Variants in DPP6 observed in about 807,000 individuals in gnomAD.
The protein encoded by DPP6 is A-type potassium channel modulatory protein DPP6.
DPP6 carries 69 observed loss-of-function variants against 122.6 expected under a neutral mutation model. The ratio of observed to expected loss-of-function variants is 0.56; its 90% confidence interval spans 0.46 to 0.69. The LOEUF (loss-of-function observed/expected upper bound fraction) is 0.69, where lower values mean the gene tolerates loss of function less well. Ranked by LOEUF, DPP6 falls within the 30% of genes least tolerant of loss-of-function variation. DPP6 has a pLI of 0.00. For synonymous variants in DPP6, 418 were observed against 433.1 expected, an observed-to-expected ratio of 0.97 and a Z score of 0.43; for missense variants, 928 against 1,116.9, an observed-to-expected ratio of 0.83 and a Z score of 2.41.
At chr7:153,823,412 A>G in the DPP6 span, among the ~76,000 whole-genome samples, 32,125 of 132,258 alleles carry the variant, frequency 0.24, 6,176 homozygotes, top group African/African-American at 0.27. Context: ...CAGCCAATGG[A>G]AGTCAGGGGT....
At chr7:154,520,713 T>C (rs1268507146) in intron 3 of DPP6, among the ~76,000 whole-genome samples, 1 of 152,228 alleles carries the variant, frequency 6.6e-6, no homozygotes, top group Non-Finnish European at 1.5e-5. Context: ...AACTAGTGTT[T>C]TCTATGGGAG....
At chr7:154,840,371 G>T (rs1246461706) in intron 16 of DPP6, among the ~76,000 whole-genome samples, 1 of 152,184 alleles carries the variant, frequency 6.6e-6, no homozygotes, top group African/African-American at 2.4e-5. Context: ...CAGCCTGCAT[G>T]CAGACTGAGG....
intron 3 of DPP6, among the ~76,000 whole-genome samples, chr7:154,513,600 A>G (rs1826252892): frequency 6.6e-6 from 1 of 152,166 alleles, no homozygotes; most frequent in African/African-American, 2.4e-5. Flanking sequence ...CTGCCTTTTC[A>G]TCAGCTCTGA....
chr7:154,787,157 A>G (rs886715893), intron 10 of DPP6, among the ~76,000 whole-genome samples: 17 of 152,256 alleles, frequency 1.1e-4, no homozygotes, highest in African/African-American at 3.1e-4. Flanking sequence ...TTTTCTTAAT[A>G]ACCATCTTCT....
At position 154,889,432 on chromosome 7, in the gene DPP6, CTTTTT is replaced by C. The variant is rs11335725; in HGVS notation, c.2378-11_2378-7del. ...TGGGTTTTAACAAATGTCTTCCTCT[CTTTTT>C]TTTTTTTTTTTTTGCACAGAAAAAA... On this transcript the variant is annotated intron_variant, in intron 24 of 25. Transcript: ENST00000377770. 405 of 1,490,124 alleles carry C rather than the reference CTTTTT, an allele frequency of 2.7e-4. No homozygotes were observed. The highest frequency in any genetic ancestry group is 1.0e-3 in the Admixed American group (44 of 43,012). The allele number at this position is 1,490,124 out of a possible 1,614,324, so 92.3% of individuals were successfully genotyped here. A position where few individuals can be genotyped will look rare whatever the true frequency, so the allele number is the denominator to read the frequency against.
chr7:153,918,567 T>TCACACACACACACACA (rs1563006184), intron 1 of DPP6, among the ~76,000 whole-genome samples: 7 of 46,150 alleles, frequency 1.5e-4, no homozygotes, highest in Admixed American at 3.0e-4. Flanking sequence ...ACACACACAG[T>TCACACACACACACACA]CTCTCTCTCT....
intron 1 of DPP6, among the ~76,000 whole-genome samples, chr7:154,278,775 T>C (rs933556787): frequency 1.3e-5 from 2 of 152,198 alleles, no homozygotes; most frequent in South Asian, 2.1e-4. Flanking sequence ...AGGAATGATA[T>C]GTGTGCACTC....
intron 1 of DPP6, among the ~76,000 whole-genome samples, chr7:154,113,412 T>TATATATATATATATATATATATATACAC (rs1472172445): frequency 1.4e-5 from 2 of 141,788 alleles, no homozygotes; most frequent in South Asian, 2.3e-4. Context: ...TATATATATA[T>TATATATATATATATATATATATATACAC]ACACACACAC....
intron 1 of DPP6, among the ~76,000 whole-genome samples, chr7:154,118,117 G>A (rs1807133313): frequency 6.7e-6 from 1 of 149,836 alleles, no homozygotes; most frequent in African/African-American, 2.5e-5. Context: ...CACAAAAGCT[G>A]TGCATGATGA....
At chr7:154,395,752 G>A (rs574239976) in intron 1 of DPP6, among the ~76,000 whole-genome samples, 1 of 150,458 alleles carries the variant, frequency 6.6e-6, no homozygotes, top group East Asian at 2.0e-4. Context: ...TTTTATTTTT[G>A]GTCTAATTGT....
chr7:154,233,322 GAC>G (rs1460533379), intron 1 of DPP6, among the ~76,000 whole-genome samples: 1 of 152,202 alleles, frequency 6.6e-6, no homozygotes, highest in Non-Finnish European at 1.5e-5. Flanking sequence ...TCAGTGCAGT[GAC>G]ACAAAATATT....
At chr7:154,672,158 G>T (rs995309957) in intron 7 of DPP6, among the ~76,000 whole-genome samples, 1 of 152,040 alleles carries the variant, frequency 6.6e-6, no homozygotes, top group Non-Finnish European at 1.5e-5. Flanking sequence ...TTCCCCCTTT[G>T]CTCGACACTC....
intron 5 of DPP6, among the ~76,000 whole-genome samples, chr7:154,602,449 G>A (rs1340490198): frequency 4.1e-5 from 5 of 120,556 alleles, no homozygotes; most frequent in African/African-American, 1.1e-4. Context: ...ATGGAGTCTC[G>A]TTCTGTTGCC....
intron 1 of DPP6, chr7:154,059,604 T>A (rs1801379645): frequency 2.7e-5 from 4 of 148,688 alleles, no homozygotes; most frequent in Admixed American, 2.6e-4. Flanking sequence ...AAAGCCTTTG[T>A]ATGAGGTCAC....
chr7:154,175,720 G>GTT (rs1369232413), intron 1 of DPP6, among the ~76,000 whole-genome samples: 2 of 108,322 alleles, frequency 1.8e-5, no homozygotes. Flanking sequence ...CTGGAGACTG[G>GTT]CTTTTTTTTT....
intron 3 of DPP6, among the ~76,000 whole-genome samples, chr7:154,517,650 G>GA (rs1826631061): frequency 6.6e-6 from 1 of 152,106 alleles, no homozygotes; most frequent in Admixed American, 6.6e-5. Flanking sequence ...TTTAAGGGAA[G>GA]AAAATTTACT....
chr7:154,689,693 T>G (rs567832267), intron 7 of DPP6, among the ~76,000 whole-genome samples: 1 of 152,344 alleles, frequency 6.6e-6, no homozygotes, highest in Admixed American at 6.5e-5. Flanking sequence ...CACAAAACTA[T>G]GCAACTATAA....
At chr7:154,539,002 C>T (rs1022733413) in intron 3 of DPP6, among the ~76,000 whole-genome samples, 1 of 152,164 alleles carries the variant, frequency 6.6e-6, no homozygotes. Flanking sequence ...ATGAAATTTT[C>T]ATTATATTGA....
At chr7:154,229,869 G>A (rs1800819448) in intron 1 of DPP6, among the ~76,000 whole-genome samples, 1 of 151,760 alleles carries the variant, frequency 6.6e-6, no homozygotes, top group Admixed American at 6.6e-5. Context: ...AGCTTATTTG[G>A]TGCAAAATAT....
Sources: gnomAD v4.1 joint callset for allele counts (sites outside exome capture counted in the v4.1 genomes callset) on GRCh38, gnomAD v4.1.1 for gene constraint, MANE v1.5 for transcripts, NCBI Gene and HGNC (gene_info 2026-07-23, HGNC 2026-07-21) for gene names.